The following CYP3A4 variants were observed in gnomAD, a reference collection of about 807,000 sequenced individuals.
CYP3A4 encodes cytochrome P450 3A4.
CYP3A4 carries 41 observed loss-of-function variants against 54.9 expected under a neutral mutation model. That is an observed-to-expected ratio of 0.75 (90% CI 0.58 to 0.97). CYP3A4 has a LOEUF of 0.97. Among genes scored for constraint, CYP3A4 ranks in the 50% least tolerant of loss-of-function variants. CYP3A4 has a pLI of 0.00. For synonymous variants in CYP3A4, 179 were observed against 205.2 expected, an observed-to-expected ratio of 0.87 and a Z score of 1.09; for missense variants, 510 against 597.3, an observed-to-expected ratio of 0.85 and a Z score of 1.52.
intron 3 of CYP3A4, among the ~76,000 whole-genome samples, chr7:99,773,950 G>GC (rs1815695810): frequency 6.6e-6 from 1 of 152,022 alleles, no homozygotes; most frequent in African/African-American, 2.4e-5. Context: ...TAGACTGCTA[G>GC]CAAGACTAAT....
chr7:99,777,905 G>A (rs1584549407), intron 3 of CYP3A4, 123 bp downstream of exon 3: 3 of 777,960 alleles, frequency 3.9e-6, no homozygotes, highest in Admixed American at 4.6e-5. Flanking sequence ...ACTTCTCTCT[G>A]TTTGTAGTTA....
chr7:99,775,114 TAGGAATCC>T (rs1308024525), intron 3 of CYP3A4, among the ~76,000 whole-genome samples: 1 of 152,038 alleles, frequency 6.6e-6, no homozygotes, highest in Non-Finnish European at 1.5e-5. Context: ...ATAAAATATC[TAGGAATCC>T]AGCTTACAAG....
intron 12 of CYP3A4, 31 bp from the exon 13 acceptor site, chr7:99,758,259 C>T (rs1815232019): frequency 1.2e-6 from 2 of 1,607,250 alleles, no homozygotes; most frequent in South Asian, 1.1e-5. Context: ...TATTGAGAAG[C>T]ATTAAATAAA....
At chr7:99,782,245 T>C (rs549029426) in intron 1 of CYP3A4, among the ~76,000 whole-genome samples, 1 of 152,348 alleles carries the variant, frequency 6.6e-6, no homozygotes. Flanking sequence ...AGGAATGATC[T>C]AGGTGAATGT....
intron 2 of CYP3A4, 34 bp downstream of exon 2, chr7:99,779,958 T>C (rs1815872997): frequency 5.0e-6 from 8 of 1,586,612 alleles, no homozygotes; most frequent in Non-Finnish European, 6.9e-6. Flanking sequence ...TTGGCAATCA[T>C]AAGAAGCAAA....
chr7:99,771,998 A>G (rs1815648157), intron 4 of CYP3A4, among the ~76,000 whole-genome samples: 1 of 152,206 alleles, frequency 6.6e-6, no homozygotes, highest in Non-Finnish European at 1.5e-5. Context: ...TTAGAAAAAA[A>G]CAGCAATATA....
chr7:99,766,808 A>G (rs1175224579), intron 8 of CYP3A4: 1 of 361,146 alleles, frequency 2.8e-6, no homozygotes, highest in African/African-American at 2.1e-5. Context: ...TATATTTCCA[A>G]ACAGTAATGT....
In CYP3A4 at chr7:99,780,016, CA is replaced by C. The variant is rs1036437989; in HGVS notation, c.140del (p.Leu47TrpfsTer43). 4 of 1,613,380 alleles carry C rather than the reference CA, an allele frequency of 2.5e-6. No homozygotes were observed. The highest frequency in any genetic ancestry group is 3.3e-4 in the Middle Eastern group (2 of 6,056). ...CCTTATGGTAGGACAAAATATTTCCCAAAAAAGGCAGAGGTGTGGGCCCTGG... is the reference window on the plus strand; with the variant it reads ...CCTTATGGTAGGACAAAATATTTCCCAAAAAGGCAGAGGTGTGGGCCCTGG... ...GIPGPTPLPF[L>X]GNILSYHKGF... is the part of the protein sequence containing the mutation. On this transcript the variant is annotated frameshift_variant, in exon 2 of 13. Transcript: ENST00000651514. LOFTEE classifies it high-confidence loss of function.
chr7:99,782,645 A>G (rs1394309833), intron 1 of CYP3A4, among the ~76,000 whole-genome samples: 2 of 152,074 alleles, frequency 1.3e-5, no homozygotes, highest in African/African-American at 4.8e-5. Context: ...GGACCCATGA[A>G]TATCTCTTTG....
intron 2 of CYP3A4, among the ~76,000 whole-genome samples, chr7:99,779,107 C>G (rs1815848379): frequency 6.6e-6 from 1 of 152,170 alleles, no homozygotes; most frequent in African/African-American, 2.4e-5. Context: ...GGCACAAAGG[C>G]TCGGCCAAAG....
At chr7:99,776,202 T>C (rs1815768550) in intron 3 of CYP3A4, among the ~76,000 whole-genome samples, 1 of 152,188 alleles carries the variant, frequency 6.6e-6, no homozygotes, top group Admixed American at 6.5e-5. Context: ...CAACAGATGC[T>C]GGAGAGGATG....
At position 99,778,059 on chromosome 7, in the gene CYP3A4, C is replaced by T. The variant is rs752813465; in HGVS notation, c.187G>A (p.Glu63Lys). Residue 63 changes from glutamate (E) to lysine (K), a missense_variant, in exon 3 of 13, where the codon GAA (glutamate) becomes AAA (lysine). By Grantham distance (56) the Glu-to-Lys change is moderately conservative. Coordinates refer to ENST00000651514, the MANE Select transcript of CYP3A4 (RefSeq NM_017460.6). ...ACTTTTCCATACTTTTTATGACATT[C>T]CATGTCAAACATACAAAAGCCCTGG... ...YHKGFCMFDM[E>K]CHKKYGKVWG... 6.2e-7 allele frequency: 1 copy of T among 1,612,692 alleles called. No homozygotes were observed. The highest frequency in any genetic ancestry group is 8.5e-7 in the Non-Finnish European group (1 of 1,178,996).
intron 7 of CYP3A4, 40 bp downstream of exon 7, chr7:99,768,314 A>C (rs1815526746): frequency 6.3e-7 from 1 of 1,587,300 alleles, no homozygotes; most frequent in Admixed American, 1.7e-5. Flanking sequence ...GTTATTTTTA[A>C]GAGAGCAAGA....
intron 1 of CYP3A4, among the ~76,000 whole-genome samples, chr7:99,781,494 A>G (rs1815923041): frequency 6.6e-6 from 1 of 152,052 alleles, no homozygotes; most frequent in Admixed American, 6.5e-5. Flanking sequence ...CTTGCAACTC[A>G]TCTTTGATGG....
In CYP3A4 at chr7:99,762,090, G is replaced by A; in HGVS notation, c.1204C>T (p.His402Tyr). The change falls in exon 11 of 13, where the codon CAC becomes TAC. Residue 402 changes from histidine (H) to tyrosine (Y), a missense_variant. Physicochemically the swap from His to Tyr is moderately conservative, Grantham distance 83. Around this residue, in one of 2 missense-constraint regions of CYP3A4, gnomAD observed 238 missense variants for 322.5 expected, o/e 0.74. Transcript: ENST00000651514. Reference protein sequence around the residue: ...VVVMIPSYALHRDPKYWTEPE... With the variant: ...VVVMIPSYALYRDPKYWTEPE... ...TCTGTCCAGTACTTTGGGTCACGGT[G>A]AAGAGCATAGCTTGGAATCATCACC... is the stretch of plus-strand genomic sequence containing the variant. 6.2e-7 allele frequency: 1 copy of A among 1,614,046 alleles called. No homozygotes were observed. The highest frequency in any genetic ancestry group is 1.1e-5 in the South Asian group (1 of 91,070).
chr7:99,764,018 G>T lies in CYP3A4; in HGVS notation c.866-3C>A. On this transcript the variant is annotated splice_polypyrimidine_tract_variant and splice_region_variant and intron_variant, in intron 9 of 12. Transcript: ENST00000651514. The stretch of plus-strand genomic sequence containing the variant: ...CACGAGCTCCAGATCGGACAGAGCT[G>T]AAAGGAGAGGAAAGACATTTTAGGT... 3 of 1,613,870 alleles carry T rather than the reference G, an allele frequency of 1.9e-6. No individual in the cohort carries two copies. The highest frequency in any genetic ancestry group is 2.5e-6 in the Non-Finnish European group (3 of 1,179,818).
Position 99,762,119 on chromosome 7 carries a change from AC to A in CYP3A4, c.1174del (p.Val392TrpfsTer3). 6.2e-7 allele frequency: 1 copy of A among 1,613,308 alleles called. No homozygotes were observed. Among genetic ancestry groups the A allele is most frequent in the Non-Finnish European group, 8.5e-7 (1 of 1,179,802 alleles). The stretch of plus-strand genomic sequence containing the variant: ...AGCATAGCTTGGAATCATCACCACC[AC>A]CCCTTTGGGAATGAACATCCCATTG... The part of the protein sequence containing the change: ...EINGMFIPKG[V>X]VVMIPSYALH... On this transcript the variant is annotated frameshift_variant, in exon 11 of 13. Coordinates refer to ENST00000651514, the MANE Select transcript of CYP3A4 (RefSeq NM_017460.6). LOFTEE classifies it high-confidence loss of function.
At position 99,758,079 on chromosome 7, in the gene CYP3A4, G is replaced by A; in HGVS notation, c.*54C>T. The A allele has an allele frequency of 7.1e-7, 1 of 1,401,660 alleles. No homozygotes were observed. Among genetic ancestry groups the A allele is most frequent in the Non-Finnish European group, 1.0e-6 (1 of 987,158 alleles). The allele number at this position is 1,401,660 out of a possible 1,614,324, so 86.8% of individuals were successfully genotyped here. On this transcript the variant is annotated 3_prime_UTR_variant, in exon 13 of 13. Transcript: ENST00000651514. ...ATTCACAAAGTAATTTGAGGTCTCT[G>A]GTGTTCTCAGGCACAGATTTCTTGA...
intron 11 of CYP3A4, 144 bp downstream of exon 11, chr7:99,761,896 CA>C: frequency 2.5e-6 from 2 of 788,128 alleles, no homozygotes; most frequent in Non-Finnish European, 4.0e-6. Flanking sequence ...TGACAATAAT[CA>C]ATTTGATGAT....
Sources: allele counts gnomAD v4.1 joint callset (sites outside exome capture counted in the v4.1 genomes callset), GRCh38; gene constraint gnomAD v4.1.1; regional missense constraint gnomAD v4.1.1; transcripts MANE v1.5; gene names NCBI Gene and HGNC (gene_info 2026-07-23, HGNC 2026-07-21).